MVB12B: variants seen among roughly 807,000 people sequenced by gnomAD.
The protein encoded by MVB12B is multivesicular body subunit 12B.
Under a neutral mutation model 41.6 loss-of-function variants are expected in MVB12B, and 16 were observed. That is an observed-to-expected ratio of 0.38 (90% CI 0.26 to 0.58). MVB12B has a LOEUF of 0.58. Among genes scored for constraint, MVB12B ranks in the 20% least tolerant of loss-of-function variants. MVB12B has a pLI of 0.62. For synonymous variants in MVB12B, 133 were observed against 139.7 expected (o/e 0.95, Z 0.34); for missense variants, 274 against 380.2 (o/e 0.72, Z 2.32).
chr9:126,481,459 C>CA (rs773625601), intron 8 of MVB12B, 35 bp downstream of exon 8: 2 of 1,526,790 alleles, frequency 1.3e-6, no homozygotes, highest in Non-Finnish European at 1.8e-6. Context: ...TCCCCTCTGC[C>CA]ACCCCCCAGC....
At chr9:126,409,096 G>A (rs1485388055) in intron 6 of MVB12B, among the ~76,000 whole-genome samples, 2 of 151,298 alleles carry the variant, frequency 1.3e-5, no homozygotes, top group East Asian at 1.9e-4. Flanking sequence ...TGGCCACAAC[G>A]GCATCGTGAC....
At chr9:126,372,485 C>A (rs1213516846) in intron 2 of MVB12B, among the ~76,000 whole-genome samples, 3 of 152,158 alleles carry the variant, frequency 2.0e-5, no homozygotes, top group Non-Finnish European at 2.9e-5. Flanking sequence ...TGTTACAATC[C>A]CACCAGAAGT....
At chr9:126,334,296 C>T (rs916520382) in intron 1 of MVB12B, among the ~76,000 whole-genome samples, 11 of 152,114 alleles carry the variant, frequency 7.2e-5, no homozygotes, top group South Asian at 6.2e-4. Context: ...TGGGCAAAGA[C>T]GCGAGACAGA....
intron 3 of MVB12B, among the ~76,000 whole-genome samples, chr9:126,384,552 G>A (rs1384305009): frequency 1.3e-5 from 2 of 151,892 alleles, no homozygotes; most frequent in East Asian, 1.9e-4. Context: ...TATATGAAAC[G>A]AAGTCTTCCT....
At chr9:126,437,451 G>A (rs1024283470) in intron 7 of MVB12B, among the ~76,000 whole-genome samples, 4 of 152,164 alleles carry the variant, frequency 2.6e-5, no homozygotes, top group Non-Finnish European at 4.4e-5. Flanking sequence ...ATTGGAAAAT[G>A]CAATGAAGCT....
intron 9 of MVB12B, among the ~76,000 whole-genome samples, chr9:126,501,092 C>T (rs886340321): frequency 6.6e-6 from 1 of 152,242 alleles, no homozygotes; most frequent in Non-Finnish European, 1.5e-5. Flanking sequence ...GACTTTGGCG[C>T]AGCTCCCCCT....
At chr9:126,403,729 C>T (rs1831333933) in intron 6 of MVB12B, among the ~76,000 whole-genome samples, 1 of 152,118 alleles carries the variant, frequency 6.6e-6, no homozygotes, top group African/African-American at 2.4e-5. Flanking sequence ...AAATGTGTGG[C>T]CCCAAGATGG....
chr9:126,416,505 C>T (rs1005962768), intron 6 of MVB12B, among the ~76,000 whole-genome samples: 2 of 152,120 alleles, frequency 1.3e-5, no homozygotes, highest in African/African-American at 2.4e-5. Flanking sequence ...AGCTAGTGAG[C>T]GGCAGAGATG....
intron 6 of MVB12B, among the ~76,000 whole-genome samples, chr9:126,402,768 T>A (rs553067757): frequency 6.6e-6 from 1 of 152,348 alleles, no homozygotes; most frequent in South Asian, 2.1e-4. Flanking sequence ...CTTGGAAAAA[T>A]TAGATTTCCT....
intron 7 of MVB12B, among the ~76,000 whole-genome samples, chr9:126,449,250 T>C (rs1832847680): frequency 6.6e-6 from 1 of 152,132 alleles, no homozygotes; most frequent in Non-Finnish European, 1.5e-5. Flanking sequence ...GGATGCGACC[T>C]GCCACCGGTA....
At chr9:126,429,412 G>A (rs1200418883) in intron 7 of MVB12B, among the ~76,000 whole-genome samples, 2 of 152,176 alleles carry the variant, frequency 1.3e-5, no homozygotes, top group Non-Finnish European at 2.9e-5. Context: ...TCAGGCGCAC[G>A]CACACTGCCT....
intron 6 of MVB12B, among the ~76,000 whole-genome samples, chr9:126,415,418 A>G (rs1831787892): frequency 6.6e-6 from 1 of 152,096 alleles, no homozygotes; most frequent in African/African-American, 2.4e-5. Context: ...ACAGCCAAAT[A>G]TTTCATGAAA....
intron 7 of MVB12B, among the ~76,000 whole-genome samples, chr9:126,431,959 T>G (rs1265902807): frequency 6.6e-6 from 1 of 152,192 alleles, no homozygotes; most frequent in East Asian, 1.9e-4. Context: ...GAGGTGGTAA[T>G]GCCCACCTCC....
rs142919009 is a variant in MVB12B, at chr9:126,391,215, A to G, written c.410-851A>G. 6.6e-5 allele frequency among the ~76,000 whole-genome samples: 10 copies of G among 152,256 alleles called. No individual in the cohort carries two copies. The highest frequency in any genetic ancestry group is 1.3e-4 in the Admixed American group (2 of 15,304). On this transcript the variant is annotated intron_variant, in intron 4 of 9. Coordinates refer to ENST00000361171, the MANE Select transcript of MVB12B (RefSeq NM_033446.3). The surrounding 1 kb of genome is among the most constrained non-coding windows in gnomAD (Gnocchi z 4.4). The stretch of plus-strand genomic sequence containing the variant: ...ACGGCGTGCATGCCTAAAAAACCTA[A>G]CCTGAGTCTAATCGAGGCTTTAGCT...
rs1009050148 is a variant in MVB12B, at chr9:126,436,477, C to G, written c.757+14529C>G. ...CTTGTCCTATTATAATTTACACACA[C>G]AGGATTTGAAAAAGTCTGCCACTTA... On this transcript the variant is annotated intron_variant, in intron 7 of 9. Coordinates refer to ENST00000361171, the MANE Select transcript of MVB12B (RefSeq NM_033446.3). The surrounding 1 kb of genome is among the most constrained non-coding windows in gnomAD (Gnocchi z 4.1). 6.6e-6 allele frequency among the ~76,000 whole-genome samples: 1 copy of G among 152,180 alleles called. No homozygotes were observed. Among genetic ancestry groups the G allele is most frequent in the Non-Finnish European group, 1.5e-5 (1 of 68,028 alleles).
In MVB12B at chr9:126,386,718, G is replaced by A; in HGVS notation, c.409+60G>A. 7.7e-7 allele frequency: 1 copy of A among 1,292,366 alleles called. No individual in the cohort carries two copies. 80.1% of individuals were successfully genotyped at this position (1,292,366 alleles called of 1,614,324 possible). A position where few individuals can be genotyped will look rare whatever the true frequency, so the allele number is the denominator to read the frequency against. On this transcript the variant is annotated intron_variant, in intron 4 of 9. Transcript: ENST00000361171. This position sits in a 1 kb window ranked among gnomAD's most constrained non-coding sequence, Gnocchi z 4.3. ...GCGTTTTCTTCCTCCAGGTATATTT[G>A]TAGGTGTTTTTCTATGTGCATTTTT...
chr9:126,464,324 G>C (rs1296729224), intron 7 of MVB12B, among the ~76,000 whole-genome samples: 1 of 152,220 alleles, frequency 6.6e-6, no homozygotes, highest in African/African-American at 2.4e-5. Context: ...GCCTATCACA[G>C]ATGGAAGGCT....
intron 7 of MVB12B, among the ~76,000 whole-genome samples, chr9:126,457,618 TCCCAGA>T (rs1021728640): frequency 2.0e-5 from 3 of 152,184 alleles, no homozygotes; most frequent in African/African-American, 7.2e-5. Flanking sequence ...GAGTCTCAGG[TCCCAGA>T]GAGTCAGATT....
intron 2 of MVB12B, among the ~76,000 whole-genome samples, chr9:126,379,851 G>T (rs1174248214): frequency 1.3e-5 from 2 of 152,156 alleles, no homozygotes; most frequent in African/African-American, 4.8e-5. Flanking sequence ...ATGTGCTGTG[G>T]GGCCTGCCAT....
Sources: allele counts gnomAD v4.1 joint callset (sites outside exome capture counted in the v4.1 genomes callset), GRCh38; gene constraint gnomAD v4.1.1; non-coding constraint Gnocchi (gnomAD v3.1); transcripts MANE v1.5; gene names NCBI Gene and HGNC (gene_info 2026-07-23, HGNC 2026-07-21).